The following PRKCG variants were observed in gnomAD, a reference collection of about 807,000 sequenced individuals.
The protein encoded by PRKCG is protein kinase C gamma.
In PRKCG, 28 loss-of-function variants were observed where a neutral mutation model predicts 82.0. The ratio of observed to expected loss-of-function variants is 0.34; its 90% CI spans 0.25 to 0.47. PRKCG has a LOEUF of 0.47. Among genes scored for constraint, PRKCG ranks in the 20% least tolerant of loss-of-function variants. The pLI, the probability that PRKCG is intolerant of heterozygous loss-of-function variation, is 1.00. For synonymous variants in PRKCG, 383 were observed against 376.6 expected (o/e 1.02, Z -0.20); for missense variants, 640 against 952.7 (o/e 0.67, Z 4.32).
chr19:53,906,084 C>CTTCTTCTTCCTCTTCTT (rs1555808689), intron 16 of PRKCG, among the ~76,000 whole-genome samples: 13 of 27,990 alleles, frequency 4.6e-4, no homozygotes, highest in African/African-American at 3.7e-3. Flanking sequence ...TCCTCCTCCT[C>CTTCTTCTTCCTCTTCTT]CTTCTTCTTC....
Position 53,889,535 on chromosome 19 carries a change from G to T in PRKCG, c.286-103G>T. On this transcript the variant is annotated intron_variant, in intron 3 of 17. Coordinates refer to ENST00000263431, the MANE Select transcript of PRKCG (RefSeq NM_002739.5). This position sits in a 1 kb window ranked among gnomAD's most constrained non-coding sequence, Gnocchi z 4.4. ...ATAGAGTGAAAGAGATGGAGCCTCA[G>T]GCTGACCTAGAGAGCAAGGCAGGAG... 1.2e-6 allele frequency: 1 copy of T among 829,530 alleles called. No individual in the cohort carries two copies. Among genetic ancestry groups the T allele is most frequent in the Non-Finnish European group, 2.0e-6 (1 of 488,726 alleles). 51.4% of individuals were successfully genotyped at this position (829,530 alleles called of 1,614,324 possible).
chr19:53,883,701 G>A lies in PRKCG; in HGVS notation c.203-460G>A, dbSNP rs1813906621. 1.4e-5 allele frequency among the ~76,000 whole-genome samples: 2 copies of A among 140,402 alleles called. No individual in the cohort carries two copies. The highest frequency in any genetic ancestry group is 1.4e-4 in the Admixed American group (2 of 14,160). The allele number at this position is 140,402 out of a possible 152,430, so 92.1% of individuals were successfully genotyped here. On this transcript the variant is annotated intron_variant, in intron 2 of 17. Coordinates refer to ENST00000263431, the MANE Select transcript of PRKCG (RefSeq NM_002739.5). This position sits in a 1 kb window ranked among gnomAD's most constrained non-coding sequence, Gnocchi z 5.4. ...ACTGCTGAGAACAGAGTGAGTCAGGGTGGGGGGCGGGCCGGCAGCAGCGCC... is the reference window on the plus strand; with the variant it reads ...ACTGCTGAGAACAGAGTGAGTCAGGATGGGGGGCGGGCCGGCAGCAGCGCC...
At chr19:53,890,637 A>G (rs554370651) in intron 5 of PRKCG, among the ~76,000 whole-genome samples, 143 of 150,914 alleles carry the variant, frequency 9.5e-4, no homozygotes, top group African/African-American at 3.3e-3. Flanking sequence ...GCTGGAGTGC[A>G]GTGGTGCAAT....
intron 17 of PRKCG, 54 bp downstream of exon 17, chr19:53,906,511 C>G: frequency 6.4e-7 from 1 of 1,569,626 alleles, no homozygotes; most frequent in Non-Finnish European, 8.6e-7. Context: ...TGGGGTTCCC[C>G]TGGGCCTCAA....
chr19:53,891,929 G>A, intron 6 of PRKCG, 99 bp downstream of exon 6: 1 of 1,501,854 alleles, frequency 6.7e-7, no homozygotes, highest in South Asian at 1.1e-5. Context: ...GGTTAGGATA[G>A]AGGGAACCCA....
Position 53,884,366 on chromosome 19 carries a change from G to C in PRKCG, c.285+123G>C. The stretch of plus-strand genomic sequence containing the variant: ...GAGGGGAGGGGGGCTGGAGAGATAG[G>C]GGGAGCTATCTGGCCCAGATTCCTT... On this transcript the variant is annotated intron_variant, in intron 3 of 17. Transcript: ENST00000263431. The surrounding 1 kb of genome is among the most constrained non-coding windows in gnomAD (Gnocchi z 4.6). 2.1e-6 allele frequency: 2 copies of C among 967,398 alleles called. No homozygotes were observed. The highest frequency in any genetic ancestry group is 3.7e-5 in the Admixed American group (2 of 53,336). The allele number at this position is 967,398 out of a possible 1,614,324, so 59.9% of individuals were successfully genotyped here. A position where few individuals can be genotyped will look rare whatever the true frequency, so the allele number is the denominator to read the frequency against.
chr19:53,898,930 C>CGG (rs2068741044), intron 11 of PRKCG, among the ~76,000 whole-genome samples: 1 of 95,922 alleles, frequency 1.0e-5, no homozygotes, highest in Non-Finnish European at 2.0e-5. Context: ...CGTGGCCAGG[C>CGG]AGAGGGGCTC....
chr19:53,898,239 C>A, intron 10 of PRKCG, 128 bp downstream of exon 10: 4 of 1,441,364 alleles, frequency 2.8e-6, no homozygotes, highest in Non-Finnish European at 3.8e-6. Context: ...TTAGGTTGGG[C>A]CGTTCAGGTT....
Position 53,888,126 on chromosome 19 carries a change from C to T in PRKCG, c.286-1512C>T, listed in dbSNP as rs573462178. The stretch of plus-strand genomic sequence containing the variant: ...GTGTGTCAGGCAGCCTGCTGAGAAC[C>T]TTCACACACAGCATCTTATTTAGTG... On this transcript the variant is annotated intron_variant, in intron 3 of 17. Coordinates refer to ENST00000263431, the MANE Select transcript of PRKCG (RefSeq NM_002739.5). 1.1e-3 allele frequency among the ~76,000 whole-genome samples: 166 copies of T among 152,312 alleles called. 7 individuals are homozygous for T. In the South Asian group the frequency reaches 0.033, roughly 30 times the overall value.
chr19:53,892,698 G>C lies in PRKCG; in HGVS notation c.821+55G>C. 6.3e-7 allele frequency: 1 copy of C among 1,582,726 alleles called. No individual in the cohort carries two copies. The highest frequency in any genetic ancestry group is 8.6e-7 in the Non-Finnish European group (1 of 1,168,524). On this transcript the variant is annotated intron_variant, in intron 7 of 17. Transcript: ENST00000263431. This position sits in a 1 kb window ranked among gnomAD's most constrained non-coding sequence, Gnocchi z 5.9. ...GAGCGCAATATTACCATCTCCATCT[G>C]TGTGTGGTCTCTCTCCTCCAGGCCA...
chr19:53,889,993 A>G lies in PRKCG; in HGVS notation c.505A>G (p.Thr169Ala), dbSNP rs1452404762. The change falls in exon 5 of 18, where the codon ACA becomes GCA. Residue 169 changes from threonine to alanine, a missense_variant. By Grantham distance (58) the Thr-to-Ala change is moderately conservative (BLOSUM62 0). Around this residue, in one of 7 missense-constraint regions of PRKCG, gnomAD observed 261 missense variants for 312.1 expected, o/e 0.84. Coordinates refer to ENST00000263431, the MANE Select transcript of PRKCG (RefSeq NM_002739.5). This position sits in a 1 kb window ranked among gnomAD's most constrained non-coding sequence, Gnocchi z 4.4. ...CCTGCAGCTGGAGATCCGGGCTCCC[A>G]CAGCAGATGAGATCCACGTAACTGG... ...GRLQLEIRAP[T>A]ADEIHVTVGE... 18 of 1,568,112 alleles carry G rather than the reference A, an allele frequency of 1.1e-5. No homozygotes were observed. The highest frequency in any genetic ancestry group is 1.7e-6 in the Non-Finnish European group (2 of 1,158,870).
At chr19:53,905,649 C>A (rs1390309766) in intron 16 of PRKCG, among the ~76,000 whole-genome samples, 3 of 148,018 alleles carry the variant, frequency 2.0e-5, no homozygotes, top group Non-Finnish European at 4.5e-5. Context: ...TCTCTTCCCC[C>A]ATTCCCTCCC....
chr19:53,891,112 G>T (rs1233380723), intron 5 of PRKCG, among the ~76,000 whole-genome samples: 1 of 151,972 alleles, frequency 6.6e-6, no homozygotes, highest in Non-Finnish European at 1.5e-5. Context: ...GGAGGCTGTG[G>T]TTCAGTACTG....
rs946187454 is a variant in PRKCG at position 53,884,341 on chromosome 19, G to A, written c.285+98G>A. On this transcript the variant is annotated intron_variant, in intron 3 of 17. Transcript: ENST00000263431. The surrounding 1 kb of genome is among the most constrained non-coding windows in gnomAD (Gnocchi z 4.6). The stretch of plus-strand genomic sequence containing the variant: ...TTTCTCCTGCTATTTTTATGGCTGG[G>A]AGGGGAGGGGGGCTGGAGAGATAGG... The A allele has an allele frequency of 1.7e-6, 2 of 1,176,660 alleles. No homozygotes were observed. Among genetic ancestry groups the A allele is most frequent in the South Asian group, 2.4e-5 (2 of 81,912 alleles). 72.9% of individuals were successfully genotyped at this position (1,176,660 alleles called of 1,614,324 possible). A position where few individuals can be genotyped will look rare whatever the true frequency, so the allele number is the denominator to read the frequency against.
At chr19:53,882,104 A>C, upstream of PRKCG, 2 of 288,438 alleles carry the variant, frequency 6.9e-6, no homozygotes, top group Non-Finnish European at 6.7e-6. The surrounding 1 kb of genome is among the most constrained non-coding windows in gnomAD (Gnocchi z 6.1). Context: ...GAGGGAGGAC[A>C]TTTGTCCCGT....
At chr19:53,903,551 A>T (rs2123023607) in intron 15 of PRKCG, among the ~76,000 whole-genome samples, 1 of 152,318 alleles carries the variant, frequency 6.6e-6, no homozygotes, top group South Asian at 2.1e-4. Flanking sequence ...TGCTGAGTGT[A>T]CTACAACTAA....
At position 53,883,790 on chromosome 19, in the gene PRKCG, G is replaced by C. The variant is rs1429594918; in HGVS notation, c.203-371G>C. 6.6e-6 allele frequency among the ~76,000 whole-genome samples: 1 copy of C among 152,194 alleles called. No homozygotes were observed. The highest frequency in any genetic ancestry group is 2.4e-5 in the African/African-American group (1 of 41,454). The stretch of plus-strand genomic sequence containing the variant: ...TGCGTCTGAAGATATTTCGGTTTTC[G>C]CTCTTTGAATCTGTCTGCCTCTCTC... On this transcript the variant is annotated intron_variant, in intron 2 of 17. Transcript: ENST00000263431. This position sits in a 1 kb window ranked among gnomAD's most constrained non-coding sequence, Gnocchi z 5.4.
intron 5 of PRKCG, 66 bp from the exon 6 acceptor site, chr19:53,891,608 G>A: frequency 6.3e-7 from 1 of 1,584,766 alleles, no homozygotes; most frequent in Non-Finnish European, 8.7e-7. Flanking sequence ...ATTGCTGACT[G>A]GAGGAGGGCT....
At chr19:53,903,834 C>T (rs796075918) in intron 15 of PRKCG, among the ~76,000 whole-genome samples, 12 of 152,294 alleles carry the variant, frequency 7.9e-5, no homozygotes, top group African/African-American at 2.9e-4. Context: ...CAACTAAATT[C>T]AATGTATACA....
Sources: allele counts gnomAD v4.1 joint callset (sites outside exome capture counted in the v4.1 genomes callset), GRCh38; gene constraint gnomAD v4.1.1; regional missense constraint gnomAD v4.1.1; non-coding constraint Gnocchi (gnomAD v3.1); transcripts MANE v1.5; gene names NCBI Gene and HGNC (gene_info 2026-07-23, HGNC 2026-07-21).